Variants in SLC44A3 observed in about 807,000 individuals in gnomAD.
SLC44A3 encodes choline transporter-like protein 3.
In SLC44A3, 74 loss-of-function variants were observed where a neutral mutation model predicts 75.4. That is an observed-to-expected ratio of 0.98 (90% CI 0.81 to 1.19). The LOEUF (loss-of-function observed/expected upper bound fraction) is 1.19. Ranked by LOEUF, SLC44A3 falls within the 50% of genes most tolerant of loss-of-function variation. SLC44A3 has a pLI of 0.00. For missense variants in SLC44A3, 700 were observed against 778.6 expected, an observed-to-expected ratio of 0.90 and a Z score of 1.20; for synonymous variants, 310 against 296.9, an observed-to-expected ratio of 1.04 and a Z score of -0.45.
Position 94,860,089 on chromosome 1 carries a change from A to G in SLC44A3, c.1238+2589A>G, listed in dbSNP as rs1175470552. Among the ~76,000 whole-genome samples the G allele has an allele frequency of 2.4e-4, 36 of 152,230 alleles. 1 individual carries two copies. Among genetic ancestry groups the G allele is most frequent in the Admixed American group, 2.4e-3 (36 of 15,288 alleles). On this transcript the variant is annotated intron_variant, in intron 10 of 14. Transcript: ENST00000271227. ...CATGATGAATGCCTCTAAGTGAAAG[A>G]AGAGATCAAAATGAACAAATAAAAT... is the stretch of plus-strand genomic sequence containing the variant.
intron 2 of SLC44A3, among the ~76,000 whole-genome samples, chr1:94,823,569 C>T (rs1369602969): frequency 6.6e-6 from 1 of 152,276 alleles, no homozygotes; most frequent in East Asian, 1.9e-4. Context: ...ACACACTGGG[C>T]ACTTGAAGAA....
intron 9 of SLC44A3, among the ~76,000 whole-genome samples, chr1:94,850,406 T>C (rs1296403825): frequency 6.6e-6 from 1 of 152,230 alleles, no homozygotes; most frequent in African/African-American, 2.4e-5. Flanking sequence ...TAAGGTGGTC[T>C]GGAAGCTCCA....
chr1:94,892,936 T>A (rs1440276950), intron 14 of SLC44A3, among the ~76,000 whole-genome samples: 1 of 152,222 alleles, frequency 6.6e-6, no homozygotes, highest in African/African-American at 2.4e-5. Flanking sequence ...ACCCACTATA[T>A]TAGGGAGAGC....
At chr1:94,853,533 G>GT (rs1275712159) in intron 9 of SLC44A3, among the ~76,000 whole-genome samples, 1 of 152,198 alleles carries the variant, frequency 6.6e-6, no homozygotes, top group Non-Finnish European at 1.5e-5. Flanking sequence ...GTTCACACAG[G>GT]TTAGAAAGAA....
intron 12 of SLC44A3, among the ~76,000 whole-genome samples, chr1:94,868,982 G>A (rs987168744): frequency 1.3e-5 from 2 of 152,266 alleles, no homozygotes; most frequent in African/African-American, 4.8e-5. Context: ...GTGGGCCCTG[G>A]CCCCATATAC....
At chr1:94,832,396 T>C (rs1457864119) in intron 5 of SLC44A3, among the ~76,000 whole-genome samples, 1 of 152,180 alleles carries the variant, frequency 6.6e-6, no homozygotes, top group Non-Finnish European at 1.5e-5. Context: ...CAGTATACTT[T>C]TGCATAAAAA....
intron 9 of SLC44A3, among the ~76,000 whole-genome samples, chr1:94,845,733 A>G (rs967245931): frequency 2.0e-5 from 3 of 152,210 alleles, no homozygotes; most frequent in Non-Finnish European, 4.4e-5. Context: ...TACAATATGA[A>G]CAAAGGCCAA....
chr1:94,879,731 T>C (rs1250044292), intron 12 of SLC44A3, among the ~76,000 whole-genome samples: 2 of 148,598 alleles, frequency 1.3e-5, no homozygotes, highest in Non-Finnish European at 3.0e-5. Context: ...CCCAGCTACT[T>C]GGGAGGCTGA....
At chr1:94,856,671 A>G (rs1056096569) in intron 9 of SLC44A3, among the ~76,000 whole-genome samples, 1 of 152,104 alleles carries the variant, frequency 6.6e-6, no homozygotes, top group Non-Finnish European at 1.5e-5. Flanking sequence ...GTTTAGGTTT[A>G]TATTCTCCTT....
intron 9 of SLC44A3, among the ~76,000 whole-genome samples, chr1:94,856,846 T>C (rs914711454): frequency 6.6e-6 from 1 of 152,168 alleles, no homozygotes. Flanking sequence ...TTCTCCTGTC[T>C]CAGCCTTCCG....
At chr1:94,845,507 C>T (rs1664294881) in intron 9 of SLC44A3, 43 bp downstream of exon 9, 2 of 1,536,266 alleles carry the variant, frequency 1.3e-6, no homozygotes, top group African/African-American at 1.4e-5. Flanking sequence ...TGGAGTCATA[C>T]ACAGAAGACC....
chr1:94,877,941 C>T (rs1008491040), intron 12 of SLC44A3, among the ~76,000 whole-genome samples: 9 of 152,144 alleles, frequency 5.9e-5, no homozygotes, highest in African/African-American at 2.2e-4. Flanking sequence ...AAAGCAACAA[C>T]AGAGAAATTT....
intron 8 of SLC44A3, among the ~76,000 whole-genome samples, chr1:94,844,341 A>G (rs1270815249): frequency 1.3e-5 from 2 of 152,214 alleles, no homozygotes; most frequent in Non-Finnish European, 2.9e-5. Context: ...GGCCTTGTCA[A>G]TAACTGATGT....
At chr1:94,839,350 G>A (rs190425819) in intron 6 of SLC44A3, among the ~76,000 whole-genome samples, 1 of 151,978 alleles carries the variant, frequency 6.6e-6, no homozygotes, top group East Asian at 1.9e-4. Context: ...AAAGATTTGG[G>A]CATTTGAGAA....
At chr1:94,880,962 C>T (rs1007272771) in intron 12 of SLC44A3, among the ~76,000 whole-genome samples, 5 of 151,580 alleles carry the variant, frequency 3.3e-5, no homozygotes, top group African/African-American at 9.7e-5. Context: ...ACAGCTACTC[C>T]GTGGGCCAAG....
intron 2 of SLC44A3, among the ~76,000 whole-genome samples, chr1:94,823,901 G>A (rs568762643): frequency 1.3e-5 from 2 of 152,254 alleles, no homozygotes; most frequent in East Asian, 1.9e-4. Context: ...CTATGAGAGT[G>A]GATAAAAATG....
rs1478744576 is a variant in SLC44A3 at position 94,864,839 on chromosome 1, C to G, written c.1335C>G (p.Ile445Met). ...CCGTTGTGAAAGGGTCATTTTTAAT[C>G]TCTGTGGTGAGGATTCCGAGAATCA... ...QGTVVKGSFL[I>M]SVVRIPRIIV... is the part of the protein sequence containing the mutation. Residue 445 changes from isoleucine (I) to methionine (M), a missense_variant, in exon 11 of 15, where the codon ATC becomes ATG. Physicochemically the swap from Ile to Met is conservative, Grantham distance 10. Coordinates refer to ENST00000271227, the MANE Select transcript of SLC44A3 (RefSeq NM_001114106.3). The G allele has an allele frequency of 6.2e-7, 1 of 1,614,052 alleles. No homozygotes were observed. The highest frequency in any genetic ancestry group is 1.7e-5 in the Admixed American group (1 of 60,010).
chr1:94,895,071 G>T lies in SLC44A3; in HGVS notation c.*149G>T. 1.7e-6 allele frequency: 1 copy of T among 604,938 alleles called. No homozygotes were observed. The highest frequency in any genetic ancestry group is 2.9e-6 in the Non-Finnish European group (1 of 339,554). The allele number at this position is 604,938 out of a possible 1,614,324, so 37.5% of individuals were successfully genotyped here. ...CTTCCTCATTGTCTTTGTCATTATTGTTTGACCAGGTAACAATACTGGAAC... is the reference window on the plus strand; with the variant it reads ...CTTCCTCATTGTCTTTGTCATTATTTTTTGACCAGGTAACAATACTGGAAC... On this transcript the variant is annotated 3_prime_UTR_variant, in exon 15 of 15. Coordinates refer to ENST00000271227, the MANE Select transcript of SLC44A3 (RefSeq NM_001114106.3).
At chr1:94,820,616 G>T in intron 1 of SLC44A3, 138 bp downstream of exon 1, 2 of 1,366,402 alleles carry the variant, frequency 1.5e-6, no homozygotes, top group Non-Finnish European at 1.9e-6. Flanking sequence ...GTACCTTGGG[G>T]CCACCTGGCG....
Sources: allele counts gnomAD v4.1 joint callset (sites outside exome capture counted in the v4.1 genomes callset), GRCh38; gene constraint gnomAD v4.1.1; transcripts MANE v1.5; gene names NCBI Gene and HGNC (gene_info 2026-07-23, HGNC 2026-07-21).